EPHA5: variants seen among roughly 807,000 people sequenced by gnomAD.
EPHA5 encodes the protein ephrin type-A receptor 5.
Under a neutral mutation model 105.0 loss-of-function variants are expected in EPHA5, and 60 were observed. The ratio of observed to expected loss-of-function variants is 0.57; its 90% CI spans 0.46 to 0.71. The LOEUF (loss-of-function observed/expected upper bound fraction) is 0.71, where lower values mean the gene tolerates loss of function less well. EPHA5 is among the 30% of genes least tolerant of loss of function. The pLI, the probability that EPHA5 is intolerant of heterozygous loss-of-function variation, is 0.00. For synonymous variants in EPHA5, 513 were observed against 449.1 expected, an observed-to-expected ratio of 1.14 and a Z score of -1.80; for missense variants, 1,218 against 1,274.7, an observed-to-expected ratio of 0.96 and a Z score of 0.68.
At chr4:65,347,182 G>GA (rs77682836) in intron 14 of EPHA5, among the ~76,000 whole-genome samples, 145,382 of 152,152 alleles carry the variant, frequency 0.96, 69,708 homozygotes, top group Non-Finnish European at 1. Flanking sequence ...TAATGCGAGT[G>GA]AAAAAGTGTT....
chr4:65,392,710 G>C (rs1218761532), intron 8 of EPHA5, among the ~76,000 whole-genome samples: 1 of 152,030 alleles, frequency 6.6e-6, no homozygotes, highest in East Asian at 1.9e-4. Context: ...ATTTAAAGGT[G>C]TATTTATGGG....
chr4:65,377,547 C>T (rs1719132668), intron 8 of EPHA5, among the ~76,000 whole-genome samples: 1 of 151,870 alleles, frequency 6.6e-6, no homozygotes, highest in African/African-American at 2.4e-5. Context: ...CTTATCATAG[C>T]CTATTGAAAA....
intron 11 of EPHA5, among the ~76,000 whole-genome samples, chr4:65,355,449 G>A (rs1224993306): frequency 1.3e-5 from 2 of 151,596 alleles, no homozygotes; most frequent in African/African-American, 2.4e-5. Context: ...TATATTGTCA[G>A]ACTCTTTTTA....
chr4:65,595,133 T>C (rs1411674022), intron 3 of EPHA5, among the ~76,000 whole-genome samples: 4 of 148,930 alleles, frequency 2.7e-5, no homozygotes, highest in Non-Finnish European at 5.9e-5. Context: ...ACTTCTATGT[T>C]AAATGCCACC....
At chr4:65,329,868 AT>A (rs1442377599) in intron 16 of EPHA5, among the ~76,000 whole-genome samples, 2 of 150,450 alleles carry the variant, frequency 1.3e-5, no homozygotes, top group African/African-American at 2.4e-5. Flanking sequence ...TTTTAAAAAA[AT>A]TTTTTTGACC....
intron 5 of EPHA5, among the ~76,000 whole-genome samples, chr4:65,478,016 G>A (rs1375664993): frequency 3.9e-5 from 6 of 152,056 alleles, no homozygotes; most frequent in East Asian, 1.9e-4. Flanking sequence ...AACCATAATC[G>A]TTATTGAATA....
intron 5 of EPHA5, among the ~76,000 whole-genome samples, chr4:65,473,782 C>T (rs76690059): frequency 2.0e-3 from 297 of 152,136 alleles, no homozygotes; most frequent in African/African-American, 6.8e-3. Flanking sequence ...AGTGAACAAA[C>T]ATCACCCAAG....
rs146159810 is a variant in EPHA5 at position 65,505,661 on chromosome 4, G to A, written c.911-10118C>T. Among the ~76,000 whole-genome samples the A allele has an allele frequency of 2.5e-4, 38 of 152,112 alleles. 2 individuals carry two copies. In the East Asian group the frequency reaches 6.8e-3, roughly 27 times the overall value. ...TTTTAGAGCACCTAAATTTAGCTCC[G>A]TGCCTTGCAAATTTTTCAACATATT... On this transcript the variant is annotated intron_variant, in intron 3 of 16. Coordinates refer to ENST00000613740, the MANE Select transcript of EPHA5 (RefSeq NM_001281766.3).
intron 3 of EPHA5, among the ~76,000 whole-genome samples, chr4:65,579,036 G>A (rs1164040750): frequency 6.6e-6 from 1 of 151,864 alleles, no homozygotes; most frequent in African/African-American, 2.4e-5. Flanking sequence ...GTATTTTTTA[G>A]TGTTTCAAAA....
In EPHA5 at chr4:65,514,307, G is replaced by C. The variant is rs4340835; in HGVS notation, c.911-18764C>G. ...GTGAGATCCTCTGTCCCCTGAATCT[G>C]GCCATGCCTGCGATTAGAGCAGAAT... is the stretch of plus-strand genomic sequence containing the variant. On this transcript the variant is annotated intron_variant, in intron 3 of 16. Coordinates refer to ENST00000613740, the MANE Select transcript of EPHA5 (RefSeq NM_001281766.3). Among the ~76,000 whole-genome samples the C allele has an allele frequency of 1.1e-3, 174 of 152,176 alleles. 6 individuals are homozygous for C. The South Asian group carries it at 0.033, about 29-fold the overall frequency.
rs143382784 is a variant in EPHA5, at chr4:65,516,933, T to C, written c.911-21390A>G. Among the ~76,000 whole-genome samples, 1,195 of 152,226 alleles carry C rather than the reference T, an allele frequency of 7.9e-3. 8 individuals carry two copies. Among genetic ancestry groups the C allele is most frequent in the Non-Finnish European group, 0.013 (874 of 67,984 alleles). On this transcript the variant is annotated intron_variant, in intron 3 of 16. Transcript: ENST00000613740. ...TGTGGTTTATTTTGATCTACACTTGTAAAGAATGTGTAGTGTTTGTGTGGT... is the reference window on the plus strand; with the variant it reads ...TGTGGTTTATTTTGATCTACACTTGCAAAGAATGTGTAGTGTTTGTGTGGT...
intron 5 of EPHA5, among the ~76,000 whole-genome samples, chr4:65,428,762 A>T (rs929859344): frequency 6.6e-6 from 1 of 152,112 alleles, no homozygotes; most frequent in African/African-American, 2.4e-5. Flanking sequence ...ATTGCCAAGA[A>T]GTAATTTCTG....
chr4:65,626,269 A>G (rs575490997), intron 2 of EPHA5, among the ~76,000 whole-genome samples: 1 of 152,320 alleles, frequency 6.6e-6, no homozygotes, highest in Admixed American at 6.5e-5. Context: ...TAATAATTTA[A>G]TGAAATCACA....
intron 7 of EPHA5, among the ~76,000 whole-genome samples, chr4:65,408,686 A>G (rs1161625492): frequency 1.3e-5 from 2 of 152,008 alleles, no homozygotes; most frequent in East Asian, 3.9e-4. Context: ...AAAGTCAGGA[A>G]ACAACAGGTG....
intron 5 of EPHA5, among the ~76,000 whole-genome samples, chr4:65,476,300 T>C (rs1427688381): frequency 6.6e-5 from 10 of 152,212 alleles, no homozygotes; most frequent in Non-Finnish European, 1.3e-4. Context: ...GAATTGCCAT[T>C]AAATAACACA....
At chr4:65,574,643 C>CAT (rs1332435521) in intron 3 of EPHA5, among the ~76,000 whole-genome samples, 63 of 65,134 alleles carry the variant, frequency 9.7e-4, no homozygotes, top group Admixed American at 1.5e-3. Context: ...TATATATACA[C>CAT]ATATATATAC....
intron 3 of EPHA5, among the ~76,000 whole-genome samples, chr4:65,580,294 C>A (rs534169856): frequency 6.6e-6 from 1 of 151,906 alleles, no homozygotes; most frequent in African/African-American, 2.4e-5. Flanking sequence ...TACAAACAAA[C>A]CTACAGAGCC....
intron 11 of EPHA5, among the ~76,000 whole-genome samples, chr4:65,361,574 A>G (rs2148879942): frequency 6.6e-6 from 1 of 151,744 alleles, no homozygotes; most frequent in South Asian, 2.1e-4. Flanking sequence ...TTAATATATA[A>G]TAAGACCCTG....
At chr4:65,326,596 G>A (rs938424498) in intron 16 of EPHA5, among the ~76,000 whole-genome samples, 1 of 151,226 alleles carries the variant, frequency 6.6e-6, no homozygotes, top group African/African-American at 2.4e-5. Context: ...ATATTCATGG[G>A]TGTTCACTAG....
Sources: allele counts gnomAD v4.1 joint callset (sites outside exome capture counted in the v4.1 genomes callset), GRCh38; gene constraint gnomAD v4.1.1; transcripts MANE v1.5; gene names NCBI Gene and HGNC (gene_info 2026-07-23, HGNC 2026-07-21).